OSBPL9: variants seen among roughly 807,000 people sequenced by gnomAD.
OSBPL9 encodes the protein oxysterol binding protein like 9.
In OSBPL9, 40 loss-of-function variants were observed where a neutral mutation model predicts 106.6. That is an observed-to-expected ratio of 0.38 (90% CI 0.29 to 0.49). The LOEUF (loss-of-function observed/expected upper bound fraction) is 0.49. Ranked by LOEUF, OSBPL9 falls within the 20% of genes least tolerant of loss-of-function variation. The pLI, the probability that OSBPL9 is intolerant of heterozygous loss-of-function variation, is 0.97. For missense variants in OSBPL9, 609 were observed against 887.2 expected, an observed-to-expected ratio of 0.69 and a Z score of 3.98; for synonymous variants, 269 against 295.4, an observed-to-expected ratio of 0.91 and a Z score of 0.92.
chr1:51,683,588 T>C (rs779756013), intron 3 of OSBPL9, among the ~76,000 whole-genome samples: 2 of 151,392 alleles, frequency 1.3e-5, no homozygotes, highest in Admixed American at 6.6e-5. Flanking sequence ...AGTCCAGCAG[T>C]TCGAGACCAG....
intron 3 of OSBPL9, among the ~76,000 whole-genome samples, chr1:51,684,749 G>A (rs1653365432): frequency 6.6e-6 from 1 of 152,124 alleles, no homozygotes; most frequent in African/African-American, 2.4e-5. Context: ...GACCAGGCTG[G>A]TCTCGAACTC....
intron 4 of OSBPL9, chr1:51,740,201 C>T: frequency 6.5e-7 from 1 of 1,537,654 alleles, no homozygotes; most frequent in East Asian, 2.5e-5. Flanking sequence ...CTTGAATTTT[C>T]AAAAATAATT....
the OSBPL9 span, among the ~76,000 whole-genome samples, chr1:51,556,730 G>A: frequency 2.0e-5 from 3 of 148,858 alleles, no homozygotes; most frequent in East Asian, 3.9e-4. Context: ...AGGTTGCAGT[G>A]AGCAGAGATC....
At chr1:51,626,649 T>C (rs1446477759) in intron 1 of OSBPL9, among the ~76,000 whole-genome samples, 1 of 152,082 alleles carries the variant, frequency 6.6e-6, no homozygotes, top group East Asian at 1.9e-4. Flanking sequence ...TAGTTGGGAT[T>C]GCAGGCATGT....
chr1:51,527,540 C>T, the OSBPL9 span, among the ~76,000 whole-genome samples: 1,076 of 152,140 alleles, frequency 7.1e-3, 8 homozygotes, highest in African/African-American at 0.025. Context: ...ACTACAGACA[C>T]ATGTCCCCAT....
chr1:51,586,180 AT>A (rs1475052206), intron 1 of OSBPL9, among the ~76,000 whole-genome samples: 5 of 151,898 alleles, frequency 3.3e-5, no homozygotes, highest in African/African-American at 9.7e-5. Context: ...TCTCAAAAAA[AT>A]AAATTAATAA....
chr1:51,522,455 G>T, the OSBPL9 span, among the ~76,000 whole-genome samples: 1 of 152,082 alleles, frequency 6.6e-6, no homozygotes, highest in Non-Finnish European at 1.5e-5. Context: ...AGAATAATGG[G>T]CCAAATTCCC....
the OSBPL9 span, among the ~76,000 whole-genome samples, chr1:51,553,312 A>T: frequency 6.6e-6 from 1 of 151,952 alleles, no homozygotes; most frequent in Non-Finnish European, 1.5e-5. Flanking sequence ...GGAGTTACAG[A>T]CCAGCCTGGA....
intron 2 of OSBPL9, among the ~76,000 whole-genome samples, chr1:51,609,609 C>T (rs1460364667): frequency 6.6e-6 from 1 of 151,432 alleles, no homozygotes; most frequent in East Asian, 1.9e-4. Context: ...CCTCAACCTC[C>T]CAAAGTGCTG....
Position 51,579,103 on chromosome 1 carries a change from T to G in OSBPL9, c.-423+1847T>G, listed in dbSNP as rs1645204390. Among the ~76,000 whole-genome samples, 5 of 151,732 alleles carry G rather than the reference T, an allele frequency of 3.3e-5. No individual in the cohort carries two copies. The South Asian group carries it at 1.0e-3, about 32-fold the overall frequency. ...TGGATTCTCACTCTGTTGCCCAGGC[T>G]GGAGTGCAGTGGTCCAATTTCAGCT... On this transcript the variant is annotated intron_variant, in intron 1 of 25. Coordinates refer to the OSBPL9 transcript ENST00000371714.
chr1:51,555,061 T>G, the OSBPL9 span, among the ~76,000 whole-genome samples: 1 of 152,342 alleles, frequency 6.6e-6, no homozygotes, highest in African/African-American at 2.4e-5. Context: ...TCTATGCTCC[T>G]TATGCCTCTG....
chr1:51,590,248 C>T (rs547742649), intron 1 of OSBPL9, among the ~76,000 whole-genome samples: 1 of 151,998 alleles, frequency 6.6e-6, no homozygotes, highest in South Asian at 2.1e-4. Flanking sequence ...GAAGCAGAGG[C>T]CATTCAAATT....
In OSBPL9 at chr1:51,644,349, C is replaced by T. The variant is rs147992792; in HGVS notation, c.112-7642C>T. 2.4e-3 allele frequency among the ~76,000 whole-genome samples: 362 copies of T among 152,090 alleles called. 1 individual carries two copies. Among genetic ancestry groups the T allele is most frequent in the African/African-American group, 8.3e-3 (343 of 41,490 alleles). ...GTTTTGTTTTGTTTTGTTTTTGAGA[C>T]GGAGTCTTGCGCTGTTGCCCAGGCT... On this transcript the variant is annotated intron_variant, in intron 1 of 23. Transcript: ENST00000428468.
At chr1:51,748,541 T>C in intron 7 of OSBPL9, 143 bp downstream of exon 7, 1 of 846,272 alleles carries the variant, frequency 1.2e-6, no homozygotes. Flanking sequence ...AAGCATTGTA[T>C]TTTTTTTTAA....
intron 4 of OSBPL9, among the ~76,000 whole-genome samples, chr1:51,715,610 T>C (rs1660900999): frequency 6.6e-6 from 1 of 152,164 alleles, no homozygotes; most frequent in Non-Finnish European, 1.5e-5. Context: ...TTAGTGATCA[T>C]ATTAGACTGA....
At position 51,628,247 on chromosome 1, in the gene OSBPL9, A is replaced by G. The variant is rs1404318003; in HGVS notation, c.111+11026A>G. 3.9e-5 allele frequency among the ~76,000 whole-genome samples: 6 copies of G among 152,368 alleles called. No individual in the cohort carries two copies. The South Asian group carries it at 8.3e-4, about 21-fold the overall frequency. On this transcript the variant is annotated intron_variant, in intron 1 of 23. Transcript: ENST00000428468. ...ACAAATACACATCTGTGTACTTTAT[A>G]TAAATGGAATCATTTTATACATGAT...
At chr1:51,536,216 A>C in the OSBPL9 span, among the ~76,000 whole-genome samples, 1 of 152,196 alleles carries the variant, frequency 6.6e-6, no homozygotes, top group African/African-American at 2.4e-5. Flanking sequence ...CCTATATAGC[A>C]GTATTTTCCC....
At chr1:51,598,768 C>T (rs1314979118) in intron 2 of OSBPL9, among the ~76,000 whole-genome samples, 1 of 152,022 alleles carries the variant, frequency 6.6e-6, no homozygotes, top group Non-Finnish European at 1.5e-5. Flanking sequence ...CTGAGGCAGG[C>T]AGATCACCTG....
At chr1:51,602,426 T>A (rs1302342024) in intron 2 of OSBPL9, among the ~76,000 whole-genome samples, 5 of 147,412 alleles carry the variant, frequency 3.4e-5, no homozygotes, top group Non-Finnish European at 4.5e-5. Context: ...TTAATTTTTT[T>A]TTTTTTTTTT....
Sources: allele counts gnomAD v4.1 joint callset (sites outside exome capture counted in the v4.1 genomes callset), GRCh38; gene constraint gnomAD v4.1.1; transcripts MANE v1.5; gene names NCBI Gene and HGNC (gene_info 2026-07-23, HGNC 2026-07-21).